Variants in TENM3 observed in about 807,000 individuals in gnomAD.
TENM3 encodes teneurin transmembrane protein 3.
TENM3 carries 63 observed loss-of-function variants against 255.1 expected under a neutral mutation model. That is an observed-to-expected ratio of 0.25 (90% confidence interval 0.20 to 0.30). The LOEUF (loss-of-function observed/expected upper bound fraction) is 0.30, where lower values mean the gene tolerates loss of function less well. TENM3 is among the 10% of genes least tolerant of loss of function. The pLI is 1.00. For synonymous variants in TENM3, 1,306 were observed against 1,322.3 expected, an observed-to-expected ratio of 0.99 and a Z score of 0.27; for missense variants, 2,929 against 3,461.1, an observed-to-expected ratio of 0.85 and a Z score of 3.86.
At chr4:181,967,087 T>C in the TENM3 span, among the ~76,000 whole-genome samples, 22 of 152,292 alleles carry the variant, frequency 1.4e-4, no homozygotes, top group East Asian at 3.7e-3. Context: ...AGACTTTGCA[T>C]GAAAGGGTTC....
At chr4:181,602,110 T>C in the TENM3 span, among the ~76,000 whole-genome samples, 3,775 of 152,266 alleles carry the variant, frequency 0.025, 175 homozygotes, top group African/African-American at 0.086. Context: ...ACCCCTATAA[T>C]AACCTTTTTA....
At chr4:181,618,870 C>A in the TENM3 span, among the ~76,000 whole-genome samples, 1 of 152,178 alleles carries the variant, frequency 6.6e-6, no homozygotes, top group East Asian at 1.9e-4. Context: ...GCCAACTCAA[C>A]AAAGTGGGCA....
At chr4:181,759,082 A>G in the TENM3 span, among the ~76,000 whole-genome samples, 1 of 152,188 alleles carries the variant, frequency 6.6e-6, no homozygotes, top group Admixed American at 6.6e-5. Context: ...TCTACTGCTT[A>G]TAACAGTTGC....
the TENM3 span, among the ~76,000 whole-genome samples, chr4:181,782,777 A>AG: frequency 6.6e-6 from 1 of 152,136 alleles, no homozygotes; most frequent in African/African-American, 2.4e-5. Context: ...AATTTCCCTC[A>AG]ACACACTGCT....
chr4:182,408,244 C>T (rs532488525), intron 3 of TENM3, among the ~76,000 whole-genome samples: 281 of 152,276 alleles, frequency 1.8e-3, no homozygotes, highest in African/African-American at 6.5e-3. Context: ...TGTATTTAAA[C>T]TTTTTCTTCC....
intron 3 of TENM3, among the ~76,000 whole-genome samples, chr4:182,428,655 G>T (rs1771406027): frequency 6.6e-6 from 1 of 151,954 alleles, no homozygotes; most frequent in Non-Finnish European, 1.5e-5. Context: ...GGAAGGCCTT[G>T]CTTGACTTGT....
chr4:182,032,793 C>T, the TENM3 span, among the ~76,000 whole-genome samples: 1 of 151,980 alleles, frequency 6.6e-6, no homozygotes, highest in African/African-American at 2.4e-5. Flanking sequence ...GTGTATGTGT[C>T]CATGAATTTG....
chr4:182,103,201 A>G, the TENM3 span, among the ~76,000 whole-genome samples: 1 of 152,236 alleles, frequency 6.6e-6, no homozygotes, highest in Admixed American at 6.5e-5. Context: ...CCAGCTAAAA[A>G]GTCTCTGGAC....
chr4:182,183,916 A>G (rs533020324), intron 1 of TENM3, among the ~76,000 whole-genome samples: 2 of 152,224 alleles, frequency 1.3e-5, no homozygotes, highest in Non-Finnish European at 1.5e-5. Flanking sequence ...AGTTAAAAAT[A>G]TATTCTATAT....
chr4:181,600,969 G>A, the TENM3 span, among the ~76,000 whole-genome samples: 1 of 152,106 alleles, frequency 6.6e-6, no homozygotes, highest in African/African-American at 2.4e-5. Context: ...GAAGCGTGGT[G>A]GTCTAGGGGA....
At chr4:182,138,822 G>T in the TENM3 span, among the ~76,000 whole-genome samples, 1 of 152,054 alleles carries the variant, frequency 6.6e-6, no homozygotes, top group Admixed American at 6.5e-5. Context: ...TCTTTACTTC[G>T]CATTATGATT....
At chr4:181,903,360 A>G in the TENM3 span, among the ~76,000 whole-genome samples, 1 of 152,192 alleles carries the variant, frequency 6.6e-6, no homozygotes, top group East Asian at 1.9e-4. Flanking sequence ...GTCTAGAATT[A>G]TATTATGCAT....
At chr4:181,773,733 T>C in the TENM3 span, among the ~76,000 whole-genome samples, 1 of 152,208 alleles carries the variant, frequency 6.6e-6, no homozygotes, top group Admixed American at 6.5e-5. Flanking sequence ...TAGCAGATTT[T>C]ATTTTTATTC....
the TENM3 span, among the ~76,000 whole-genome samples, chr4:181,914,037 C>A: frequency 6.6e-6 from 1 of 152,196 alleles, no homozygotes; most frequent in Non-Finnish European, 1.5e-5. Context: ...CTCAACTGCA[C>A]TTTCTACTTC....
At chr4:182,348,694 A>G (rs781175808) in intron 3 of TENM3, among the ~76,000 whole-genome samples, 1 of 152,154 alleles carries the variant, frequency 6.6e-6, no homozygotes, top group African/African-American at 2.4e-5. Flanking sequence ...TTGTTATGGT[A>G]TCTGTATTGG....
At chr4:181,839,980 G>T in the TENM3 span, among the ~76,000 whole-genome samples, 1 of 151,860 alleles carries the variant, frequency 6.6e-6, no homozygotes, top group Non-Finnish European at 1.5e-5. Flanking sequence ...TGTTGCTTCA[G>T]TCATTTTCTG....
chr4:181,538,267 T>G, the TENM3 span, among the ~76,000 whole-genome samples: 1 of 152,190 alleles, frequency 6.6e-6, no homozygotes, highest in Non-Finnish European at 1.5e-5. Context: ...GTACTTGGCT[T>G]GTAGCAAGCA....
chr4:182,093,856 A>G, the TENM3 span, among the ~76,000 whole-genome samples: 3 of 152,324 alleles, frequency 2.0e-5, no homozygotes, highest in Admixed American at 2.0e-4. Flanking sequence ...GGAAACCATG[A>G]AAGATTTCAA....
the TENM3 span, among the ~76,000 whole-genome samples, chr4:181,554,300 T>A: frequency 6.6e-6 from 1 of 152,204 alleles, no homozygotes; most frequent in Non-Finnish European, 1.5e-5. Context: ...CAGTCTCATG[T>A]ACAGCTAAAG....
Sources: gnomAD v4.1 joint callset for allele counts (sites outside exome capture counted in the v4.1 genomes callset) on GRCh38, gnomAD v4.1.1 for gene constraint, MANE v1.5 for transcripts, NCBI Gene and HGNC (gene_info 2026-07-23, HGNC 2026-07-21) for gene names.